Variants in HSPA14 observed in about 807,000 individuals in gnomAD.
The protein encoded by HSPA14 is heat shock 70 kDa protein 14.
In HSPA14, 37 loss-of-function variants were observed where a neutral mutation model predicts 65.5. The observed-to-expected ratio is 0.56, with a 90% CI of 0.43 to 0.74. HSPA14 has a LOEUF of 0.74. Among genes scored for constraint, HSPA14 ranks in the 30% least tolerant of loss-of-function variants. The pLI is 0.00. For missense variants in HSPA14, 564 were observed against 607.6 expected (o/e 0.93, Z 0.75); for synonymous variants, 203 against 214.2 (o/e 0.95, Z 0.46).
rs527237274 is a variant in HSPA14, at chr10:14,847,758, T to C, written c.222-851T>C. ...TAGTCACAGCTCCTTGGAAGAAGGG[T>C]TTAATGAAAGGATACTAGTCTATTT... is the stretch of plus-strand genomic sequence containing the variant. On this transcript the variant is annotated intron_variant, in intron 3 of 13. Transcript: ENST00000378372. 1.6e-3 allele frequency among the ~76,000 whole-genome samples: 247 copies of C among 152,138 alleles called. 1 individual carries two copies. The highest frequency in any genetic ancestry group is 3.1e-3 in the Non-Finnish European group (212 of 67,988).
chr10:14,850,878 C>T (rs1157654523), intron 6 of HSPA14: 1 of 169,954 alleles, frequency 5.9e-6, no homozygotes, highest in African/African-American at 2.4e-5. Context: ...GACAGGACAC[C>T]TGTCCTAGAC....
At chr10:14,841,605 A>C (rs986310252) in intron 3 of HSPA14, among the ~76,000 whole-genome samples, 9 of 152,344 alleles carry the variant, frequency 5.9e-5, no homozygotes, top group African/African-American at 2.2e-4. Context: ...ACAATATGTT[A>C]CTGTTTGTTT....
At chr10:14,869,263 G>A (rs1473050305) in intron 12 of HSPA14, among the ~76,000 whole-genome samples, 5 of 143,620 alleles carry the variant, frequency 3.5e-5, no homozygotes, top group Non-Finnish European at 7.6e-5. Flanking sequence ...GTGTGTGTGT[G>A]TAAAGAGATA....
intron 12 of HSPA14, among the ~76,000 whole-genome samples, chr10:14,869,262 TGTAA>T (rs1162433763): frequency 6.7e-6 from 1 of 148,448 alleles, no homozygotes; most frequent in Non-Finnish European, 1.5e-5. Flanking sequence ...TGTGTGTGTG[TGTAA>T]AGAGATACAT....
At chr10:14,846,280 G>C (rs111440484) in intron 3 of HSPA14, 1 of 985,394 alleles carries the variant, frequency 1.0e-6, no homozygotes, top group Non-Finnish European at 1.2e-6. Context: ...TTGACGGAGA[G>C]TTAGGCCTGT....
rs183806439 is a variant in HSPA14, at chr10:14,871,328, A to G, written c.1452-200A>G. On this transcript the variant is annotated intron_variant, in intron 13 of 13. Coordinates refer to ENST00000378372, the MANE Select transcript of HSPA14 (RefSeq NM_016299.4). ...TTAGTGGTCTGGAAGGAAGTTCCTA[A>G]TAACAACTAGCTAAATATAACATAT... is the stretch of plus-strand genomic sequence containing the variant. 4.6e-5 allele frequency among the ~76,000 whole-genome samples: 7 copies of G among 152,324 alleles called. No individual in the cohort carries two copies. In the East Asian group the frequency reaches 1.3e-3, roughly 29 times the overall value.
chr10:14,842,926 T>G lies in HSPA14; in HGVS notation c.221+2769T>G. On this transcript the variant is annotated intron_variant, in intron 3 of 13. Coordinates refer to ENST00000378372, the MANE Select transcript of HSPA14 (RefSeq NM_016299.4). The surrounding 1 kb of genome is among the most constrained non-coding windows in gnomAD (Gnocchi z 5.2). ...TTTAGCTGTGTCTGTTTGGATAGTG[T>G]CCTCTTCAGCATAGTTCCTGTTTCT... 9.7e-7 allele frequency: 1 copy of G among 1,025,652 alleles called. No individual in the cohort carries two copies. Among genetic ancestry groups the G allele is most frequent in the African/African-American group, 1.6e-5 (1 of 61,864 alleles). 63.5% of individuals were successfully genotyped at this position (1,025,652 alleles called of 1,614,324 possible).
intron 3 of HSPA14, chr10:14,843,428 T>C: frequency 1.3e-6 from 2 of 1,550,808 alleles, no homozygotes; most frequent in South Asian, 1.2e-5. Flanking sequence ...AGAGGTGCAG[T>C]TGCTCCCTGT....
Position 14,852,471 on chromosome 10 carries a change from A to T in HSPA14, c.674A>T (p.Asn225Ile). 6.2e-7 allele frequency: 1 copy of T among 1,613,302 alleles called. No individual in the cohort carries two copies. Among genetic ancestry groups the T allele is most frequent in the South Asian group, 1.1e-5 (1 of 91,064 alleles). The change falls in exon 8 of 14, where the codon AAC becomes ATC. Residue 225 changes from asparagine (N) to isoleucine (I), a missense_variant. Coordinates refer to ENST00000378372, the MANE Select transcript of HSPA14 (RefSeq NM_016299.4). ...YRVLSTNTDD[N>I]IGGAHFTETL... Reference sequence around the variant, plus strand: ...GTTCTTTCAACAAACACTGATGATAACATCGGTGGTGCACATTTCACAGAA... The same window carrying T: ...GTTCTTTCAACAAACACTGATGATATCATCGGTGGTGCACATTTCACAGAA...
intron 3 of HSPA14, chr10:14,843,636 G>A (rs779921985): frequency 2.6e-6 from 4 of 1,550,342 alleles, no homozygotes. Context: ...GGCGGTCAGT[G>A]GCCAGGACTA....
In HSPA14 at chr10:14,843,717, C is replaced by G. The variant is rs554171247; in HGVS notation, c.221+3560C>G. 69 of 1,538,494 alleles carry G rather than the reference C, an allele frequency of 4.5e-5. No individual in the cohort carries two copies. In the African/African-American group the frequency reaches 8.1e-4, roughly 18 times the overall value. On this transcript the variant is annotated intron_variant, in intron 3 of 13. Transcript: ENST00000378372. ...CAAAGCGGGAGGAAGAAAAACTGGA[C>G]AGGCTGATTGCTATTGGTGAGGAGG...
In HSPA14 at chr10:14,842,144, G is replaced by A. The variant is rs141805203; in HGVS notation, c.221+1987G>A. ...CCTGTGGCCTTCCAGCCAGAAATGC[G>A]GTCCTTGGACCTGGCTTCTCAGCAA... On this transcript the variant is annotated intron_variant, in intron 3 of 13. Transcript: ENST00000378372. The surrounding 1 kb of genome is among the most constrained non-coding windows in gnomAD (Gnocchi z 5.2). 1.4e-3 allele frequency: 2,160 copies of A among 1,534,118 alleles called. 4 individuals are homozygous for A. The highest frequency in any genetic ancestry group is 1.7e-3 in the Non-Finnish European group (1,932 of 1,146,328).
rs536582407 is a variant in HSPA14 at position 14,839,311 on chromosome 10, CGCCT to C, written c.58-592_58-589del. Reference sequence around the variant, plus strand: ...GAAAGGGGCCCAGCGCGGTGGCTTACGCCTGTAATCCCAGCACTTTGGGAAGCCG... The same window carrying C: ...GAAAGGGGCCCAGCGCGGTGGCTTACGTAATCCCAGCACTTTGGGAAGCCG... On this transcript the variant is annotated intron_variant, in intron 1 of 13. Transcript: ENST00000378372. 1.7e-3 allele frequency among the ~76,000 whole-genome samples: 264 copies of C among 152,342 alleles called. 2 individuals carry two copies. The highest frequency in any genetic ancestry group is 0.014 in the Admixed American group (207 of 15,300).
intron 10 of HSPA14, among the ~76,000 whole-genome samples, chr10:14,865,541 G>A (rs1832799293): frequency 6.6e-6 from 1 of 152,140 alleles, no homozygotes. Flanking sequence ...TTCTACCTAT[G>A]GCTAGCCAAG....
At chr10:14,849,628 T>C in intron 5 of HSPA14, 93 bp from the exon 6 acceptor site, 1 of 1,023,192 alleles carries the variant, frequency 9.8e-7, no homozygotes, top group East Asian at 2.5e-5. Context: ...GGAAATATGT[T>C]AAGTGAGATC....
chr10:14,852,241 C>T (rs974391267), intron 7 of HSPA14, 129 bp from the exon 8 acceptor site: 3 of 730,850 alleles, frequency 4.1e-6, no homozygotes, highest in Admixed American at 2.7e-5. Flanking sequence ...CTATAGACAA[C>T]TTAGTTATTC....
chr10:14,852,457 A>G lies in HSPA14; in HGVS notation c.660A>G (p.Thr220=), dbSNP rs1588812599. 1 of 1,613,966 alleles carries G rather than the reference A, an allele frequency of 6.2e-7. No individual in the cohort carries two copies. The highest frequency in any genetic ancestry group is 1.7e-4 in the Middle Eastern group (1 of 6,060). ...GTGGAATATATCGGGTTCTTTCAAC[A>G]AACACTGATGATAACATCGGTGGTG... ...VNSGIYRVLS[T]NTDDNIGGAH... Residue 220 remains threonine (T), a synonymous_variant, in exon 8 of 14, where the codon ACA becomes ACG. Transcript: ENST00000378372.
chr10:14,852,305 C>A, intron 7 of HSPA14, 65 bp from the exon 8 acceptor site: 3 of 1,307,144 alleles, frequency 2.3e-6, no homozygotes, highest in Non-Finnish European at 3.2e-6. Context: ...AACTAAGTGA[C>A]TTCTAATATC....
Position 14,867,765 on chromosome 10 carries a change from C to G in HSPA14, c.1236C>G (p.Phe412Leu). The change falls in exon 12 of 14, where the codon TTC becomes TTG. Residue 412 changes from phenylalanine to leucine, a missense_variant. Phe to Leu is a conservative substitution (Grantham distance 22). Transcript: ENST00000378372. ...TGGACGAATCAGGAGCCAGTAGATT[C>G]ACAGTGCTGTTTCCATCAGGGACTC... ...KGVDESGASR[F>L]TVLFPSGTPL... is the part of the protein sequence containing the mutation. 6.2e-7 allele frequency: 1 copy of G among 1,613,932 alleles called. No individual in the cohort carries two copies. Among genetic ancestry groups the G allele is most frequent in the Non-Finnish European group, 8.5e-7 (1 of 1,179,948 alleles).
Sources: gnomAD v4.1 joint callset for allele counts (sites outside exome capture counted in the v4.1 genomes callset) on GRCh38, gnomAD v4.1.1 for gene constraint, Gnocchi (gnomAD v3.1) non-coding constraint, MANE v1.5 for transcripts, NCBI Gene and HGNC (gene_info 2026-07-23, HGNC 2026-07-21) for gene names.